Variants in GRIP1 observed in about 807,000 individuals in gnomAD.
GRIP1 encodes glutamate receptor-interacting protein 1.
In GRIP1, 45 loss-of-function variants were observed where a neutral mutation model predicts 129.9. The ratio of observed to expected loss-of-function variants is 0.35; its 90% CI spans 0.27 to 0.44. GRIP1 has a LOEUF of 0.44. GRIP1 is among the 20% of genes least tolerant of loss of function. The probability of loss-of-function intolerance (pLI) is 1.00; values close to 1 mark genes in which losing one functional copy is unlikely to be tolerated. For missense variants in GRIP1, 1,196 were observed against 1,396.8 expected, an observed-to-expected ratio of 0.86 and a Z score of 2.29; for synonymous variants, 530 against 520.8, an observed-to-expected ratio of 1.02 and a Z score of -0.24.
At chr12:66,905,652 T>C (rs1028939138) in intron 1 of GRIP1, among the ~76,000 whole-genome samples, 2 of 152,194 alleles carry the variant, frequency 1.3e-5, no homozygotes, top group African/African-American at 4.8e-5. Flanking sequence ...ATTCAACCTT[T>C]AAAAAACCTT....
At chr12:66,994,553 C>T (rs1313515233) in intron 1 of GRIP1, among the ~76,000 whole-genome samples, 1 of 151,652 alleles carries the variant, frequency 6.6e-6, no homozygotes, top group East Asian at 1.9e-4. Flanking sequence ...AGACTATATA[C>T]TTGCAATAAG....
At chr12:66,977,807 A>ATATTTTTTTTTTTT (rs2042176754) in intron 1 of GRIP1, among the ~76,000 whole-genome samples, 1 of 60,256 alleles carries the variant, frequency 1.7e-5, no homozygotes, top group African/African-American at 7.0e-5. Context: ...AGAGCTGAGC[A>ATATTTTTTTTTTTT]TTTTTTTTTT....
intron 1 of GRIP1, among the ~76,000 whole-genome samples, chr12:66,836,560 C>G (rs894569683): frequency 6.7e-6 from 1 of 148,596 alleles, no homozygotes; most frequent in African/African-American, 2.5e-5. Context: ...AGAAAATACA[C>G]AAGTGTGATA....
rs150034061 is a variant in GRIP1, at chr12:66,896,855, A to C, written c.58+172195T>G. ...ATAGCTTGGCAGTTTTCTGGTTCCA[A>C]GATTTCAAAAACATTCCCATGATAA... On this transcript the variant is annotated intron_variant, in intron 1 of 1. Coordinates refer to the GRIP1 transcript ENST00000643019. 2.4e-3 allele frequency among the ~76,000 whole-genome samples: 366 copies of C among 152,340 alleles called. 3 individuals carry two copies. Among genetic ancestry groups the C allele is most frequent in the African/African-American group, 8.5e-3 (355 of 41,582 alleles).
Position 66,642,529 on chromosome 12 carries a change from G to A in GRIP1, c.55+36321C>T, listed in dbSNP as rs868333897. Among the ~76,000 whole-genome samples, 7 of 152,210 alleles carry A rather than the reference G, an allele frequency of 4.6e-5. No individual in the cohort carries two copies. The South Asian group carries it at 1.0e-3, about 23-fold the overall frequency. On this transcript the variant is annotated intron_variant, in intron 1 of 24. Coordinates refer to ENST00000359742, the MANE Select transcript of GRIP1 (RefSeq NM_001366722.1). ...GTCGGAGCCTTATCCCCAGGATGAC[G>A]GGGAGCCATCATGGTGTCTTCAGCA...
At chr12:66,604,581 T>TA (rs5798831) in intron 1 of GRIP1, among the ~76,000 whole-genome samples, 50,838 of 151,726 alleles carry the variant, frequency 0.34, 8,745 homozygotes, top group Non-Finnish European at 0.37. Flanking sequence ...TTTTTCTTTG[T>TA]GAGAGGGCTA....
At chr12:67,018,815 A>G (rs1384322829) in intron 1 of GRIP1, among the ~76,000 whole-genome samples, 2 of 152,158 alleles carry the variant, frequency 1.3e-5, no homozygotes. Flanking sequence ...ATAATGGGAT[A>G]TGTGACTAAA....
rs200381983 is a variant in GRIP1, at chr12:66,977,807, ATTTTTTTTTTTTT to A, written c.58+91230_58+91242del. Among the ~76,000 whole-genome samples, 89 of 60,266 alleles carry A rather than the reference ATTTTTTTTTTTTT, an allele frequency of 1.5e-3. 1 individual carries two copies. The highest frequency in any genetic ancestry group is 0.015 in the Middle Eastern group (1 of 68). The allele number at this position is 60,266 out of a possible 152,430, so 39.5% of individuals were successfully genotyped here. A position where few individuals can be genotyped will look rare whatever the true frequency, so the allele number is the denominator to read the frequency against. Reference sequence around the variant, plus strand: ...ACTATAGTCAGTTCTAGAGCTGAGCATTTTTTTTTTTTTTTTTTTTTTTTTTTTTGGCTCTTGC... The same window carrying A: ...ACTATAGTCAGTTCTAGAGCTGAGCATTTTTTTTTTTTTTTTGGCTCTTGC... On this transcript the variant is annotated intron_variant, in intron 1 of 1. Transcript: ENST00000643019.
rs377286952 is a variant in GRIP1 at position 66,831,129 on chromosome 12, C to T, written c.59-234202G>A. Among the ~76,000 whole-genome samples the T allele has an allele frequency of 1.7e-4, 26 of 152,216 alleles. 1 individual carries two copies. Among genetic ancestry groups the T allele is most frequent in the African/African-American group, 5.8e-4 (24 of 41,532 alleles). ...TCGGCCTCCCAAAGTGCTGGTATTA[C>T]AGGTGCGAGCTACGGCACACAGCTT... On this transcript the variant is annotated intron_variant, in intron 1 of 1. Coordinates refer to the GRIP1 transcript ENST00000643019.
At chr12:66,512,806 A>G (rs7977856) in intron 7 of GRIP1, among the ~76,000 whole-genome samples, 71,130 of 151,622 alleles carry the variant, frequency 0.47, 16,879 homozygotes, top group African/African-American at 0.54. Context: ...ATATTGACAA[A>G]CCCTGATGAG....
At chr12:66,587,600 G>A (rs1201090369) in intron 2 of GRIP1, among the ~76,000 whole-genome samples, 5 of 152,206 alleles carry the variant, frequency 3.3e-5, no homozygotes, top group Non-Finnish European at 7.3e-5. Flanking sequence ...ACTGCTCAAC[G>A]AGTAACTGTT....
chr12:66,461,000 C>T (rs12366637), intron 9 of GRIP1, among the ~76,000 whole-genome samples: 63,153 of 152,006 alleles, frequency 0.42, 14,013 homozygotes, highest in African/African-American at 0.55. Context: ...TAAACGTAGA[C>T]GATGGAGTCA....
chr12:66,353,822 C>A (rs2054350163), intron 23 of GRIP1, among the ~76,000 whole-genome samples: 1 of 152,212 alleles, frequency 6.6e-6, no homozygotes, highest in South Asian at 2.1e-4. Context: ...TTTCAGTCGT[C>A]ATCAGGGGGA....
intron 1 of GRIP1, among the ~76,000 whole-genome samples, chr12:67,008,954 A>G (rs2042666526): frequency 6.6e-6 from 1 of 152,164 alleles, no homozygotes; most frequent in South Asian, 2.1e-4. Flanking sequence ...TTGACACAAA[A>G]GTACACTATA....
chr12:66,671,633 T>C (rs1356655130), intron 1 of GRIP1, among the ~76,000 whole-genome samples: 1 of 152,206 alleles, frequency 6.6e-6, no homozygotes, highest in Non-Finnish European at 1.5e-5. Context: ...CTGTGAAAAC[T>C]GTTCTCTCAA....
At chr12:66,379,510 G>A in intron 19 of GRIP1, 74 bp from the exon 20 acceptor site, 1 of 1,423,722 alleles carries the variant, frequency 7.0e-7, no homozygotes, top group Non-Finnish European at 9.9e-7. Context: ...TTGTTAACCA[G>A]TAGAGGAGTC....
chr12:66,984,748 T>C (rs2042286788), intron 1 of GRIP1, among the ~76,000 whole-genome samples: 1 of 152,216 alleles, frequency 6.6e-6, no homozygotes, highest in Admixed American at 6.5e-5. Context: ...TATTCTTCTC[T>C]AGTGTGCTCA....
intron 1 of GRIP1, among the ~76,000 whole-genome samples, chr12:66,942,499 G>A (rs529669568): frequency 6.6e-6 from 1 of 152,146 alleles, no homozygotes; most frequent in Non-Finnish European, 1.5e-5. Context: ...CTTGACACAC[G>A]AACTGAACAA....
intron 1 of GRIP1, among the ~76,000 whole-genome samples, chr12:66,859,287 AAAAACAAAAAAAC>A (rs756574489): frequency 0.46 from 18,290 of 40,186 alleles, 2,765 homozygotes; most frequent in Non-Finnish European, 0.57. Context: ...AAAAAAACAA[AAAAACAAAAAAAC>A]AAAAAAAAAC....
Sources: allele counts gnomAD v4.1 joint callset (sites outside exome capture counted in the v4.1 genomes callset), GRCh38; gene constraint gnomAD v4.1.1; transcripts MANE v1.5; gene names NCBI Gene and HGNC (gene_info 2026-07-23, HGNC 2026-07-21).